Variants in NUP107 observed in about 807,000 individuals in gnomAD.
The protein encoded by NUP107 is nucleoporin 107.
A neutral mutation model predicts 141.0 loss-of-function variants in NUP107; 101 were observed. The observed-to-expected ratio is 0.72, with a 90% CI of 0.61 to 0.84. The LOEUF is 0.84. Among genes scored for constraint, NUP107 ranks in the 40% least tolerant of loss-of-function variants. The pLI is 0.00. For synonymous variants in NUP107, 319 were observed against 363.9 expected, an observed-to-expected ratio of 0.88 and a Z score of 1.41; for missense variants, 941 against 1,102.7, an observed-to-expected ratio of 0.85 and a Z score of 2.08.
chr12:68,721,690 G>A, intron 15 of NUP107, 151 bp from the exon 16 acceptor site: 1 of 692,952 alleles, frequency 1.4e-6, no homozygotes, highest in Non-Finnish European at 2.3e-6. Flanking sequence ...AGTTGGCGGA[G>A]GAAAGGTTAT....
At chr12:68,719,682 C>T (rs1877273759) in intron 14 of NUP107, 28 bp downstream of exon 14, 4 of 1,428,338 alleles carry the variant, frequency 2.8e-6, no homozygotes, top group Non-Finnish European at 4.0e-6. Context: ...TTCAGTGATA[C>T]TGTTTTTAAC....
chr12:68,726,423 A>G lies in NUP107; in HGVS notation c.1577-76A>G. The G allele has an allele frequency of 6.5e-6, 6 of 929,864 alleles. No homozygotes were observed. The South Asian group carries it at 8.4e-5, about 13-fold the overall frequency. The allele number at this position is 929,864 out of a possible 1,614,324, so 57.6% of individuals were successfully genotyped here. ...CTTGAAAGCACTATAGGAGTGAAATAAATGTTCTTGGTAATGTTTATTTTT... is the reference window on the plus strand; with the variant it reads ...CTTGAAAGCACTATAGGAGTGAAATGAATGTTCTTGGTAATGTTTATTTTT... On this transcript the variant is annotated intron_variant, in intron 18 of 27. Coordinates refer to ENST00000229179, the MANE Select transcript of NUP107 (RefSeq NM_020401.4).
chr12:68,719,177 C>G (rs541157996), intron 12 of NUP107, among the ~76,000 whole-genome samples, 164 bp from the exon 13 acceptor site: 3 of 152,336 alleles, frequency 2.0e-5, no homozygotes, highest in South Asian at 4.1e-4. Context: ...GCGTGAGCCA[C>G]CACGCCCAGC....
intron 26 of NUP107, among the ~76,000 whole-genome samples, chr12:68,739,374 C>A (rs1878220814): frequency 6.6e-6 from 1 of 152,160 alleles, no homozygotes; most frequent in African/African-American, 2.4e-5. Flanking sequence ...TTGACTCTGG[C>A]ACTTAAAATA....
intron 24 of NUP107, among the ~76,000 whole-genome samples, chr12:68,734,033 T>G (rs905829263): frequency 6.6e-6 from 1 of 152,156 alleles, no homozygotes; most frequent in Admixed American, 6.5e-5. Context: ...CACTTCGGGA[T>G]GCCAAGGCAG....
At chr12:68,712,427 A>C (rs1489664895) in intron 10 of NUP107, among the ~76,000 whole-genome samples, 1 of 148,530 alleles carries the variant, frequency 6.7e-6, no homozygotes, top group Non-Finnish European at 1.5e-5. Flanking sequence ...TCAAAAAAAA[A>C]AAAAAAAAAA....
At chr12:68,705,371 G>C (rs772961363) in intron 8 of NUP107, among the ~76,000 whole-genome samples, 5 of 151,810 alleles carry the variant, frequency 3.3e-5, no homozygotes, top group Non-Finnish European at 7.4e-5. Context: ...ATGTTAGTTA[G>C]ACTTTTCAAA....
At chr12:68,689,776 C>T (rs745748670) in intron 3 of NUP107, 157 bp downstream of exon 3, 121 of 599,174 alleles carry the variant, frequency 2.0e-4, no homozygotes, top group Non-Finnish European at 3.3e-4. Context: ...TTGCCATGTA[C>T]AAGGTACTGT....
intron 10 of NUP107, among the ~76,000 whole-genome samples, chr12:68,712,408 A>C (rs543451122): frequency 7.1e-6 from 1 of 141,526 alleles, no homozygotes; most frequent in South Asian, 2.5e-4. Context: ...AAAAGAGCAA[A>C]ACTCCATCTC....
intron 7 of NUP107, 58 bp downstream of exon 7, chr12:68,700,911 A>G (rs1876299817): frequency 1.4e-6 from 2 of 1,436,470 alleles, no homozygotes; most frequent in African/African-American, 1.4e-5. Flanking sequence ...CCAACAGGCA[A>G]ATTAATTTAA....
chr12:68,693,293 T>G (rs1592491817), intron 5 of NUP107, among the ~76,000 whole-genome samples: 1 of 152,088 alleles, frequency 6.6e-6, no homozygotes, highest in Non-Finnish European at 1.5e-5. Flanking sequence ...GCCAGGCTGA[T>G]CTCGAACTCC....
chr12:68,733,718 C>G, intron 24 of NUP107, 106 bp downstream of exon 24: 1 of 1,132,654 alleles, frequency 8.8e-7, no homozygotes, highest in Non-Finnish European at 1.3e-6. Flanking sequence ...TTCATCTTAC[C>G]TCTCTTGTGA....
intron 19 of NUP107, among the ~76,000 whole-genome samples, 179 bp from the exon 20 acceptor site, chr12:68,727,172 A>G (rs569840409): frequency 6.6e-6 from 1 of 152,362 alleles, no homozygotes; most frequent in African/African-American, 2.4e-5. Flanking sequence ...AAAAAGAGTT[A>G]TGGTAAGGTT....
chr12:68,731,233 C>A lies in NUP107; in HGVS notation c.1858C>A (p.His620Asn), dbSNP rs755583882. The A allele has an allele frequency of 6.2e-7, 1 of 1,606,126 alleles. No homozygotes were observed. The change falls in exon 21 of 28, where the codon CAT becomes AAT. Residue 620 changes from histidine to asparagine, a missense_variant. Physicochemically the swap from His to Asn is moderately conservative, Grantham distance 68 (BLOSUM62 1). Transcript: ENST00000229179. The stretch of plus-strand genomic sequence containing the variant: ...TGTTACAGAATTTGAACAGCGCCAC[C>A]ATTGCCTGGAGTTGGCTAAAGAAGC... The part of the protein sequence containing the change: ...ESVTEFEQRH[H>N]CLELAKEADL...
rs148035158 is a variant in NUP107 at position 68,694,431 on chromosome 12, A to C, written c.448+2319A>C. On this transcript the variant is annotated intron_variant, in intron 5 of 27. Coordinates refer to ENST00000229179, the MANE Select transcript of NUP107 (RefSeq NM_020401.4). ...AAATAGATAAATTGGGCTACATCAA[A>C]ATTTTAAACTTTTGTGCACGAAAGA... Among the ~76,000 whole-genome samples the C allele has an allele frequency of 9.4e-3, 1,427 of 152,340 alleles. 12 individuals are homozygous for C. The highest frequency in any genetic ancestry group is 0.021 in the South Asian group (101 of 4,830).
chr12:68,733,754 G>T (rs951161365), intron 24 of NUP107, 142 bp downstream of exon 24: 6 of 706,758 alleles, frequency 8.5e-6, no homozygotes, highest in South Asian at 4.4e-5. Flanking sequence ...ATCCACAAGG[G>T]GACTGACTTC....
At chr12:68,703,447 A>T (rs1876431509) in intron 8 of NUP107, among the ~76,000 whole-genome samples, 1 of 150,584 alleles carries the variant, frequency 6.6e-6, no homozygotes, top group Non-Finnish European at 1.5e-5. Flanking sequence ...TTATACTGAG[A>T]GTTTGTTTGT....
chr12:68,734,531 G>A (rs1057165799), intron 24 of NUP107, among the ~76,000 whole-genome samples, 177 bp from the exon 25 acceptor site: 4 of 152,044 alleles, frequency 2.6e-5, no homozygotes, highest in Admixed American at 2.0e-4. Context: ...TTTGTCACTT[G>A]ACAAAACATT....
At position 68,731,227 on chromosome 12, in the gene NUP107, C is replaced by T. The variant is rs780361704; in HGVS notation, c.1852C>T (p.Arg618Cys). 55 of 1,608,192 alleles carry T rather than the reference C, an allele frequency of 3.4e-5. No homozygotes were observed. Among genetic ancestry groups the T allele is most frequent in the Non-Finnish European group, 4.5e-5 (53 of 1,177,636 alleles). The change falls in exon 21 of 28, where the codon CGC becomes TGC. Residue 618 changes from arginine to cysteine, a missense_variant. Coordinates refer to ENST00000229179, the MANE Select transcript of NUP107 (RefSeq NM_020401.4). The part of the protein sequence containing the change: ...FLESVTEFEQ[R>C]HHCLELAKEA... ...GGAAAGTGTTACAGAATTTGAACAG[C>T]GCCACCATTGCCTGGAGTTGGCTAA... is the stretch of plus-strand genomic sequence containing the variant.
Sources: gnomAD v4.1 joint callset for allele counts (sites outside exome capture counted in the v4.1 genomes callset) on GRCh38, gnomAD v4.1.1 for gene constraint, MANE v1.5 for transcripts, NCBI Gene and HGNC (gene_info 2026-07-23, HGNC 2026-07-21) for gene names.